Variants in DCTN1 observed in about 807,000 individuals in gnomAD.
DCTN1 encodes dynactin subunit 1, also known as 150 kDa dynein-associated polypeptide.
Under a neutral mutation model 161.2 loss-of-function variants are expected in DCTN1, and 61 were observed. That is an observed-to-expected ratio of 0.38 (90% CI 0.31 to 0.47). The LOEUF (loss-of-function observed/expected upper bound fraction) is 0.47. DCTN1 is among the 20% of genes least tolerant of loss of function. The pLI, the probability that DCTN1 is intolerant of heterozygous loss-of-function variation, is 0.99. For synonymous variants in DCTN1, 653 were observed against 632.4 expected, an observed-to-expected ratio of 1.03 and a Z score of -0.49; for missense variants, 1,404 against 1,623.7, an observed-to-expected ratio of 0.86 and a Z score of 2.33.
At chr2:74,372,534 C>T (rs954639911) in intron 7 of DCTN1, among the ~76,000 whole-genome samples, 2 of 152,226 alleles carry the variant, frequency 1.3e-5, no homozygotes, top group Admixed American at 6.5e-5. Flanking sequence ...ATGTGCAATC[C>T]TCAGACATCC....
chr2:74,389,405 T>C (rs1165335567), intron 1 of DCTN1, among the ~76,000 whole-genome samples: 1 of 152,144 alleles, frequency 6.6e-6, no homozygotes, highest in East Asian at 1.9e-4. Context: ...CTAGTAGCTG[T>C]AGACAGGCCA....
intron 19 of DCTN1, 74 bp from the exon 20 acceptor site, chr2:74,367,181 CCCCATCCTCTG>C: frequency 6.3e-7 from 1 of 1,584,102 alleles, no homozygotes. Flanking sequence ...TCTAAGAAGT[CCCCATCCTCTG>C]CTGACCCCCA....
chr2:74,376,332 C>T (rs1675221754), intron 5 of DCTN1, among the ~76,000 whole-genome samples: 1 of 152,166 alleles, frequency 6.6e-6, no homozygotes, highest in Admixed American at 6.5e-5. Context: ...CTCCCATCTT[C>T]CTGCAAAACC....
chr2:74,387,618 ATTTAGTCATTATGTCTGG>A (rs777563566), intron 1 of DCTN1, among the ~76,000 whole-genome samples: 2 of 152,126 alleles, frequency 1.3e-5, no homozygotes, highest in Admixed American at 6.5e-5. Context: ...TCAACAACCA[ATTTAGTCATTATGTCTGG>A]TTAATTCTGT....
rs1674706721 is a variant in DCTN1 at position 74,369,883 on chromosome 2, C to T, written c.1392+82G>A. 1 of 1,430,178 alleles carries T rather than the reference C, an allele frequency of 7.0e-7. No homozygotes were observed. Among genetic ancestry groups the T allele is most frequent in the South Asian group, 1.1e-5 (1 of 87,508 alleles). The allele number at this position is 1,430,178 out of a possible 1,614,324, so 88.6% of individuals were successfully genotyped here. A position where few individuals can be genotyped will look rare whatever the true frequency, so the allele number is the denominator to read the frequency against. Reference sequence around the variant, plus strand: ...CCAGGCTGGGTCCCTCACCGCACACCCTGCTCAAAGGCCAAGGGTCACATG... The same window carrying T: ...CCAGGCTGGGTCCCTCACCGCACACTCTGCTCAAAGGCCAAGGGTCACATG... On this transcript the variant is annotated intron_variant, in intron 13 of 31. Coordinates refer to ENST00000628224, the MANE Select transcript of DCTN1 (RefSeq NM_004082.5). The surrounding 1 kb of genome is among the most constrained non-coding windows in gnomAD (Gnocchi z 4.9).
rs1674406604 is a variant in DCTN1, at chr2:74,366,331, C to T, written c.2673G>A (p.Gln891=). 1 of 1,614,220 alleles carries T rather than the reference C, an allele frequency of 6.2e-7. No individual in the cohort carries two copies. The highest frequency in any genetic ancestry group is 8.5e-7 in the Non-Finnish European group (1 of 1,180,042). Reference sequence around the variant, plus strand: ...TGGTACTGATGAGGATGTTGCATGACTGGCGCAGACACTCATAGGGGCTGC... The same window carrying T: ...TGGTACTGATGAGGATGTTGCATGATTGGCGCAGACACTCATAGGGGCTGC... ...PSSSPYECLR[Q]SCNILISTMN... Residue 891 remains glutamine (Q), a synonymous_variant, in exon 23 of 32, where the codon CAG becomes CAA. Transcript: ENST00000628224.
chr2:74,372,610 ATCTT>A (rs1248623694), intron 7 of DCTN1, among the ~76,000 whole-genome samples: 4 of 152,202 alleles, frequency 2.6e-5, no homozygotes, highest in Non-Finnish European at 4.4e-5. Context: ...GGCCAAGTTC[ATCTT>A]TCTTCCAATC....
At chr2:74,387,682 T>C (rs545096194) in intron 1 of DCTN1, among the ~76,000 whole-genome samples, 1 of 152,310 alleles carries the variant, frequency 6.6e-6, no homozygotes, top group East Asian at 1.9e-4. Flanking sequence ...CTGTCCTCTC[T>C]ATCCCCACTG....
chr2:74,391,856 G>GCGGGGCCGGCCCCGCCCTCC (rs1676024918), exon 1 of DCTN1: 1 of 453,328 alleles, frequency 2.2e-6, no homozygotes, highest in African/African-American at 2.0e-5. Context: ...CCAAGACCCT[G>GCGGGGCCGGCCCCGCCCTCC]CGGGGCCGGC....
At chr2:74,363,770 A>T in intron 26 of DCTN1, 142 bp from the exon 27 acceptor site, 1 of 1,122,084 alleles carries the variant, frequency 8.9e-7, no homozygotes, top group Non-Finnish European at 1.3e-6. Context: ...TTTCTCTAAC[A>T]AGACTCTCTG....
At chr2:74,367,520 G>A in intron 18 of DCTN1, 100 bp from the exon 19 acceptor site, 1 of 1,496,076 alleles carries the variant, frequency 6.7e-7, no homozygotes, top group Non-Finnish European at 9.2e-7. Context: ...GGTCTCTGGA[G>A]GTACAAGAGA....
intron 5 of DCTN1, chr2:74,374,685 C>T (rs1444877741): frequency 8.3e-7 from 1 of 1,199,748 alleles, no homozygotes; most frequent in Non-Finnish European, 1.1e-6. Flanking sequence ...GCACCAGCTC[C>T]ACCTGACGTC....
chr2:74,361,266 C>G lies in DCTN1; in HGVS notation c.*233G>C, dbSNP rs1558929911. On this transcript the variant is annotated 3_prime_UTR_variant, in exon 32 of 32. Coordinates refer to ENST00000628224, the MANE Select transcript of DCTN1 (RefSeq NM_004082.5). The stretch of plus-strand genomic sequence containing the variant: ...ACCCCCCACAAGCCCTGAGGCCCCT[C>G]AGGAAGGAGGGAGCAGTTGAACAAC... 2.9e-6 allele frequency: 2 copies of G among 684,128 alleles called. No homozygotes were observed. Among genetic ancestry groups the G allele is most frequent in the East Asian group, 2.9e-5 (1 of 33,980 alleles). The allele number at this position is 684,128 out of a possible 1,614,324, so 42.4% of individuals were successfully genotyped here.
At position 74,378,032 on chromosome 2, in the gene DCTN1, C is replaced by T; in HGVS notation, c.247G>A (p.Glu83Lys). The change falls in exon 2 of 32, where the codon GAA becomes AAA. Residue 83 changes from glutamate (E) to lysine (K), a missense_variant. By Grantham distance (56) the Glu-to-Lys change is moderately conservative. Around this residue, in one of 9 missense-constraint regions of DCTN1, gnomAD observed 174 missense variants for 175.6 expected, o/e 0.99. Coordinates refer to ENST00000628224, the MANE Select transcript of DCTN1 (RefSeq NM_004082.5). ...VQGRKYFTCDEGHGIFVRQSQ... is the reference protein window; with the variant it reads ...VQGRKYFTCDKGHGIFVRQSQ... ...TGGCGCACAAAGATGCCATGCCCTT[C>T]ATCACAAGTGAAGTACTTCCTGCCT... is the stretch of plus-strand genomic sequence containing the variant. 1 of 1,614,290 alleles carries T rather than the reference C, an allele frequency of 6.2e-7. No homozygotes were observed. The highest frequency in any genetic ancestry group is 8.5e-7 in the Non-Finnish European group (1 of 1,180,050).
intron 19 of DCTN1, 54 bp from the exon 20 acceptor site, chr2:74,367,161 T>C (rs1674482268): frequency 6.2e-7 from 1 of 1,602,588 alleles, no homozygotes; most frequent in African/African-American, 1.3e-5. Context: ...CCTTCTGCCT[T>C]ATCAACATCT....
At chr2:74,372,246 C>T (rs894972119) in intron 7 of DCTN1, among the ~76,000 whole-genome samples, 1 of 152,176 alleles carries the variant, frequency 6.6e-6, no homozygotes, top group Non-Finnish European at 1.5e-5. Context: ...CCCTGCTAAG[C>T]CCTCTTTGGG....
chr2:74,363,922 C>T (rs1674212820), intron 26 of DCTN1: 1 of 489,286 alleles, frequency 2.0e-6, no homozygotes, highest in African/African-American at 1.9e-5. Context: ...TGAGGCTGTT[C>T]CTGCCTCCCT....
chr2:74,362,270 T>G lies in DCTN1; in HGVS notation c.3610-129A>C, dbSNP rs1473084119. The G allele has an allele frequency of 3.7e-6, 3 of 800,526 alleles. No individual in the cohort carries two copies. In the East Asian group the frequency reaches 8.3e-5, roughly 22 times the overall value. The allele number at this position is 800,526 out of a possible 1,614,324, so 49.6% of individuals were successfully genotyped here. Reference sequence around the variant, plus strand: ...CTTAGTCCTCTATATCAACATACTTTTGCTCTCATCTCCAACCCCATCCCC... The same window carrying G: ...CTTAGTCCTCTATATCAACATACTTGTGCTCTCATCTCCAACCCCATCCCC... On this transcript the variant is annotated intron_variant, in intron 30 of 31. Coordinates refer to ENST00000628224, the MANE Select transcript of DCTN1 (RefSeq NM_004082.5).
At chr2:74,376,396 C>T (rs1189766519) in intron 5 of DCTN1, among the ~76,000 whole-genome samples, 1 of 152,176 alleles carries the variant, frequency 6.6e-6, no homozygotes, top group Non-Finnish European at 1.5e-5. Context: ...CTTCCACAGT[C>T]GTCCAAGCTC....
Sources: allele counts gnomAD v4.1 joint callset (sites outside exome capture counted in the v4.1 genomes callset), GRCh38; gene constraint gnomAD v4.1.1; regional missense constraint gnomAD v4.1.1; non-coding constraint Gnocchi (gnomAD v3.1); transcripts MANE v1.5; gene names NCBI Gene and HGNC (gene_info 2026-07-23, HGNC 2026-07-21).